The following RIMS1 variants were observed in gnomAD, a reference collection of about 807,000 sequenced individuals.
RIMS1 encodes regulating synaptic membrane exocytosis 1.
A neutral mutation model predicts 214.1 loss-of-function variants in RIMS1; 83 were observed. The observed-to-expected ratio is 0.39, with a 90% confidence interval of 0.32 to 0.47. The LOEUF is 0.47. RIMS1 is among the 20% of genes least tolerant of loss of function. RIMS1 has a pLI of 0.99. For synonymous variants in RIMS1, 793 were observed against 786.8 expected, an observed-to-expected ratio of 1.01 and a Z score of -0.13; for missense variants, 2,050 against 2,161.8, an observed-to-expected ratio of 0.95 and a Z score of 1.03.
intron 2 of RIMS1, among the ~76,000 whole-genome samples, chr6:72,034,623 T>C (rs1044694855): frequency 3.3e-5 from 5 of 151,952 alleles, no homozygotes; most frequent in African/African-American, 1.2e-4. Context: ...ATCAAGCAGA[T>C]AGAACAAATA....
chr6:71,978,070 A>G (rs1245787238), intron 2 of RIMS1, among the ~76,000 whole-genome samples: 2 of 152,154 alleles, frequency 1.3e-5, no homozygotes, highest in Non-Finnish European at 1.5e-5. Context: ...GCCAAAAGTC[A>G]TGAAGTTTTG....
At position 72,208,157 on chromosome 6, in the gene RIMS1, A is replaced by G. The variant is rs57380793; in HGVS notation, c.1678+25008A>G. Among the ~76,000 whole-genome samples, 1,035 of 152,316 alleles carry G rather than the reference A, an allele frequency of 6.8e-3. 9 individuals are homozygous for G. Among genetic ancestry groups the G allele is most frequent in the Middle Eastern group, 0.024 (7 of 294 alleles). On this transcript the variant is annotated intron_variant, in intron 6 of 33. Transcript: ENST00000521978. ...ATGAATATAAAACTTGACACAGCTT[A>G]GGTAAATGAGTAATCTTATTTCTGT... is the stretch of plus-strand genomic sequence containing the variant.
intron 2 of RIMS1, among the ~76,000 whole-genome samples, chr6:71,978,865 T>A (rs1320906787): frequency 1.3e-5 from 2 of 152,130 alleles, no homozygotes; most frequent in Non-Finnish European, 2.9e-5. Context: ...TGTTTTCGCA[T>A]TTTAGAATAA....
At chr6:72,317,142 C>T in intron 28 of RIMS1, 1 of 359,580 alleles carries the variant, frequency 2.8e-6, no homozygotes. Context: ...TCTGTGGCAC[C>T]AGTCCCGACC....
intron 29 of RIMS1, among the ~76,000 whole-genome samples, chr6:72,390,382 A>G (rs1487456394): frequency 2.0e-5 from 3 of 152,320 alleles, no homozygotes; most frequent in East Asian, 3.9e-4. Flanking sequence ...AGTCACTGAA[A>G]CTGTGGCCAT....
intron 29 of RIMS1, among the ~76,000 whole-genome samples, chr6:72,352,983 CTT>C (rs70994123): frequency 3.4e-5 from 3 of 88,270 alleles, no homozygotes; most frequent in African/African-American, 9.3e-5. Flanking sequence ...ATTCTTTTTT[CTT>C]TTTTTTTTTT....
At chr6:72,290,627 A>G in intron 24 of RIMS1, 52 bp from the exon 25 acceptor site, 1 of 1,527,500 alleles carries the variant, frequency 6.5e-7, no homozygotes, top group Non-Finnish European at 8.9e-7. Context: ...GTTGGTATCA[A>G]AGTTAATGTG....
intron 22 of RIMS1, among the ~76,000 whole-genome samples, chr6:72,273,482 A>T (rs1309566451): frequency 1.3e-5 from 2 of 152,080 alleles, no homozygotes; most frequent in Admixed American, 6.6e-5. Flanking sequence ...TTTTAACTAG[A>T]TGTTTGAAAT....
rs866368868 is a variant in RIMS1, at chr6:71,897,676, T to G, written c.164+10489T>G. 3.9e-5 allele frequency among the ~76,000 whole-genome samples: 6 copies of G among 152,316 alleles called. 1 individual carries two copies. In the Middle Eastern group the frequency reaches 0.01, roughly 259 times the overall value. On this transcript the variant is annotated intron_variant, in intron 1 of 33. Transcript: ENST00000521978. Reference sequence around the variant, plus strand: ...CTCTTTTGATTGTTTTATTTGATTTTTCTATAACCTCTTTCTCTTAACAGT... The same window carrying G: ...CTCTTTTGATTGTTTTATTTGATTTGTCTATAACCTCTTTCTCTTAACAGT...
intron 20 of RIMS1, 60 bp from the exon 21 acceptor site, chr6:72,265,330 C>A: frequency 2.1e-6 from 2 of 959,234 alleles, no homozygotes; most frequent in Non-Finnish European, 3.2e-6. Flanking sequence ...TATTGTTGTA[C>A]TTGTTGATTT....
Position 72,336,413 on chromosome 6 carries a change from A to G in RIMS1, c.4366+2578A>G, listed in dbSNP as rs141027464. ...TTATCTCAGTTATGGTCAGATGTTG[A>G]CTTCAAATAACATCTTCCTTCCCAG... On this transcript the variant is annotated intron_variant, in intron 29 of 33. Coordinates refer to ENST00000521978, the MANE Select transcript of RIMS1 (RefSeq NM_014989.7). Among the ~76,000 whole-genome samples, 35 of 151,960 alleles carry G rather than the reference A, an allele frequency of 2.3e-4. No homozygotes were observed. In the Middle Eastern group the frequency reaches 0.01, roughly 44 times the overall value.
At chr6:72,264,088 TA>T in intron 19 of RIMS1, 1 of 807,460 alleles carries the variant, frequency 1.2e-6, no homozygotes, top group Non-Finnish European at 1.5e-6. Context: ...TAAACATGAT[TA>T]AACCAGTGAG....
At chr6:72,289,343 A>G (rs1278226028) in intron 24 of RIMS1, among the ~76,000 whole-genome samples, 1 of 152,234 alleles carries the variant, frequency 6.6e-6, no homozygotes, top group East Asian at 1.9e-4. Flanking sequence ...CATTTACTCT[A>G]TCCCATAGAA....
intron 29 of RIMS1, among the ~76,000 whole-genome samples, chr6:72,364,441 A>G (rs1191216426): frequency 1.3e-5 from 2 of 152,204 alleles, no homozygotes; most frequent in East Asian, 3.8e-4. Flanking sequence ...TGAAATGTGA[A>G]TCGTTTATAG....
intron 28 of RIMS1, among the ~76,000 whole-genome samples, chr6:72,332,710 C>T (rs995752884): frequency 6.6e-6 from 1 of 151,206 alleles, no homozygotes; most frequent in Non-Finnish European, 1.5e-5. Flanking sequence ...ATCCTAACAT[C>T]CATGCTCCCT....
rs529035022 is a variant in RIMS1 at position 72,051,897 on chromosome 6, C to T, written c.246-45052C>T. On this transcript the variant is annotated intron_variant, in intron 2 of 33. Coordinates refer to ENST00000521978, the MANE Select transcript of RIMS1 (RefSeq NM_014989.7). ...TCAATTTAGTACACCCAAGCATAAT[C>T]AGTAGTAGATTTATTAGATGACCAA... Among the ~76,000 whole-genome samples, 6 of 151,708 alleles carry T rather than the reference C, an allele frequency of 4.0e-5. No individual in the cohort carries two copies. The South Asian group carries it at 8.3e-4, about 21-fold the overall frequency.
Position 72,196,552 on chromosome 6 carries a change from A to G in RIMS1, c.1678+13403A>G, listed in dbSNP as rs1193170783. Among the ~76,000 whole-genome samples, 6 of 141,412 alleles carry G rather than the reference A, an allele frequency of 4.2e-5. No homozygotes were observed. In the East Asian group the frequency reaches 1.4e-3, roughly 33 times the overall value. The allele number at this position is 141,412 out of a possible 152,430, so 92.8% of individuals were successfully genotyped here. On this transcript the variant is annotated intron_variant, in intron 6 of 33. Transcript: ENST00000521978. The stretch of plus-strand genomic sequence containing the variant: ...ACTTAACCCATTTCCCGTTTGCCCT[A>G]AAAGTACTGTGCTGGCAGCCAGCTG...
chr6:72,310,956 A>G (rs927972256), intron 27 of RIMS1, among the ~76,000 whole-genome samples: 1 of 152,160 alleles, frequency 6.6e-6, no homozygotes, highest in Non-Finnish European at 1.5e-5. Context: ...CTGGAATAAC[A>G]AAGGTCTGTA....
At chr6:72,355,874 A>G (rs2097618223) in intron 29 of RIMS1, among the ~76,000 whole-genome samples, 1 of 152,214 alleles carries the variant, frequency 6.6e-6, no homozygotes, top group Admixed American at 6.5e-5. Flanking sequence ...ATTTGCTGAT[A>G]AAATACACTT....
Sources: gnomAD v4.1 joint callset for allele counts (sites outside exome capture counted in the v4.1 genomes callset) on GRCh38, gnomAD v4.1.1 for gene constraint, MANE v1.5 for transcripts, NCBI Gene and HGNC (gene_info 2026-07-23, HGNC 2026-07-21) for gene names.